Variants in SCUBE2 observed in about 807,000 individuals in gnomAD.
The protein encoded by SCUBE2 is signal peptide, CUB and EGF-like domain-containing protein 2.
A neutral mutation model predicts 125.9 loss-of-function variants in SCUBE2; 114 were observed. The observed-to-expected ratio is 0.91, with a 90% CI of 0.78 to 1.06. SCUBE2 has a LOEUF of 1.06. Ranked by LOEUF, SCUBE2 falls within the 50% of genes least tolerant of loss-of-function variation. The probability of loss-of-function intolerance (pLI) is 0.00; values close to 1 mark genes in which losing one functional copy is unlikely to be tolerated. For missense variants in SCUBE2, 1,255 were observed against 1,301.8 expected (o/e 0.96, Z 0.55); for synonymous variants, 459 against 492.9 (o/e 0.93, Z 0.91).
intron 14 of SCUBE2, 50 bp downstream of exon 14, chr11:9,050,556 C>T: frequency 6.9e-7 from 1 of 1,445,396 alleles, no homozygotes; most frequent in Non-Finnish European, 9.7e-7. Flanking sequence ...GGCTGCAGGC[C>T]CCTTCCCACA....
At chr11:9,055,428 C>A (rs1352751504) in intron 10 of SCUBE2, among the ~76,000 whole-genome samples, 4 of 152,208 alleles carry the variant, frequency 2.6e-5, no homozygotes, top group Admixed American at 2.6e-4. Context: ...CCCCCCAAGC[C>A]TCTCTGAGGA....
Position 9,066,766 on chromosome 11 carries a change from T to C in SCUBE2, c.691A>G (p.Thr231Ala), listed in dbSNP as rs1266627006. 2.5e-6 allele frequency: 4 copies of C among 1,614,154 alleles called. No individual in the cohort carries two copies. Among genetic ancestry groups the C allele is most frequent in the African/African-American group, 2.7e-5 (2 of 75,072 alleles). Residue 231 changes from threonine (T) to alanine (A), a missense_variant, in exon 6 of 23, where the codon ACA (threonine) becomes GCA (alanine). Thr to Ala is a moderately conservative substitution (Grantham distance 58). Around this residue, in one of 3 missense-constraint regions of SCUBE2, gnomAD observed 362 missense variants for 323.0 expected, o/e 1.12. Transcript: ENST00000649792. ...CAGCTGCACTCTGGGCCATCGGCTG[T>C]ATCGTCACAGGAGTGCTGGCACCCA... is the stretch of plus-strand genomic sequence containing the variant. ...NGGCQHSCDDTADGPECSCHP... is the reference protein window; with the variant it reads ...NGGCQHSCDDAADGPECSCHP...
At position 9,020,413 on chromosome 11, in the gene SCUBE2, A is replaced by G. The variant is rs1308565012; in HGVS notation, c.*632T>C. On this transcript the variant is annotated 3_prime_UTR_variant, in exon 23 of 23. Coordinates refer to ENST00000649792, the MANE Select transcript of SCUBE2 (RefSeq NM_001367977.2). ...ATGTCTCCAGAAGTGCTTAGTTTTT[A>G]TTTATTTCTAATTCTTTCTGCTTTT... 6.6e-6 allele frequency: 1 copy of G among 151,542 alleles called. No individual in the cohort carries two copies. The highest frequency in any genetic ancestry group is 1.9e-4 in the East Asian group (1 of 5,132). The allele number at this position is 151,542 out of a possible 1,614,324, so 9.4% of individuals were successfully genotyped here.
chr11:9,046,795 A>G (rs1857824205), intron 16 of SCUBE2, among the ~76,000 whole-genome samples: 1 of 152,154 alleles, frequency 6.6e-6, no homozygotes, highest in Non-Finnish European at 1.5e-5. Flanking sequence ...GTTACACTTG[A>G]TTTTGCACTT....
At chr11:9,040,860 A>G (rs997603390) in intron 16 of SCUBE2, among the ~76,000 whole-genome samples, 8 of 152,206 alleles carry the variant, frequency 5.3e-5, no homozygotes, top group Non-Finnish European at 1.0e-4. Flanking sequence ...TATTTCTGGA[A>G]TTTTCCATTT....
intron 16 of SCUBE2, among the ~76,000 whole-genome samples, chr11:9,039,896 G>T (rs1052687659): frequency 6.6e-6 from 1 of 152,186 alleles, no homozygotes; most frequent in South Asian, 2.1e-4. Flanking sequence ...CTATATGATC[G>T]TGTTTTTAAC....
chr11:9,056,480 C>A (rs1859092564), intron 9 of SCUBE2, among the ~76,000 whole-genome samples: 1 of 152,200 alleles, frequency 6.6e-6, no homozygotes, highest in Admixed American at 6.5e-5. Context: ...AATATCCTCA[C>A]TAATTTTCTC....
intron 7 of SCUBE2, among the ~76,000 whole-genome samples, chr11:9,064,094 G>A (rs1395149251): frequency 3.9e-5 from 6 of 152,066 alleles, no homozygotes; most frequent in East Asian, 1.9e-4. Context: ...TGTGTATTGC[G>A]GGGGGAAGCA....
chr11:9,066,119 G>A (rs1013260149), intron 6 of SCUBE2, 139 bp from the exon 7 acceptor site: 2 of 634,352 alleles, frequency 3.2e-6, no homozygotes, highest in African/African-American at 3.6e-5. Flanking sequence ...AAAATGTGTT[G>A]TAATGAGGCT....
intron 7 of SCUBE2, among the ~76,000 whole-genome samples, chr11:9,061,360 C>T (rs1859665791): frequency 6.6e-6 from 1 of 151,936 alleles, no homozygotes; most frequent in African/African-American, 2.4e-5. Flanking sequence ...GGTTCAAGAC[C>T]AGCCTGGGCC....
In SCUBE2 at chr11:9,066,732, T is replaced by A; in HGVS notation, c.725A>T (p.Gln242Leu). Residue 242 changes from glutamine to leucine, a missense_variant, in exon 6 of 23, where the codon CAG (glutamine) becomes CTG (leucine). By Grantham distance (113) the Gln-to-Leu change is moderately radical. Transcript: ENST00000649792. ...ADGPECSCHP[Q>L]YKMHTDGRSC... ...CCTCCCATCTGTGTGCATCTTGTAC[T>A]GTGGATGGCAGCTGCACTCTGGGCC... 6.2e-7 allele frequency: 1 copy of A among 1,614,180 alleles called. No homozygotes were observed. Among genetic ancestry groups the A allele is most frequent in the Non-Finnish European group, 8.5e-7 (1 of 1,180,008 alleles).
chr11:9,021,120 G>GGACT lies in SCUBE2; in HGVS notation c.3008_3011dup (p.Arg1005ValfsTer73), dbSNP rs1243222690. On this transcript the variant is annotated frameshift_variant, in exon 23 of 23. Coordinates refer to ENST00000649792, the MANE Select transcript of SCUBE2 (RefSeq NM_001367977.2). LOFTEE classifies it high-confidence loss of function. Reference sequence around the variant, plus strand: ...TGAACGATCTTGGAAACATCTCTCGGGACTCCTGGGCTGTGTACTTGAAAT... The same window carrying GGACT: ...TGAACGATCTTGGAAACATCTCTCGGGACTGACTCCTGGGCTGTGTACTTGAAAT... 2 of 1,613,646 alleles carry GGACT rather than the reference G, an allele frequency of 1.2e-6. No homozygotes were observed. The highest frequency in any genetic ancestry group is 2.7e-5 in the African/African-American group (2 of 74,888).
At chr11:9,077,217 C>A (rs963524098) in intron 3 of SCUBE2, among the ~76,000 whole-genome samples, 1 of 152,142 alleles carries the variant, frequency 6.6e-6, no homozygotes, top group African/African-American at 2.4e-5. Flanking sequence ...GGCCTGGATG[C>A]CACCTCCAGA....
In SCUBE2 at chr11:9,047,349, C is replaced by A; in HGVS notation, c.2002+7G>T. 6.2e-7 allele frequency: 1 copy of A among 1,614,012 alleles called. No homozygotes were observed. Among genetic ancestry groups the A allele is most frequent in the Non-Finnish European group, 8.5e-7 (1 of 1,179,898 alleles). ...TTCTGTTAGCAAGAATGTCCCAGGC[C>A]ACTCACCACATTGGTTTTCTGCATG... On this transcript the variant is annotated splice_region_variant and intron_variant, in intron 16 of 22. Coordinates refer to ENST00000649792, the MANE Select transcript of SCUBE2 (RefSeq NM_001367977.2).
Position 9,020,822 on chromosome 11 carries a change from C to G in SCUBE2, c.*223G>C, listed in dbSNP as rs1439561610. 3 of 441,656 alleles carry G rather than the reference C, an allele frequency of 6.8e-6. No individual in the cohort carries two copies. The highest frequency in any genetic ancestry group is 1.2e-5 in the Non-Finnish European group (3 of 249,056). 27.4% of individuals were successfully genotyped at this position (441,656 alleles called of 1,614,324 possible). A position where few individuals can be genotyped will look rare whatever the true frequency, so the allele number is the denominator to read the frequency against. On this transcript the variant is annotated 3_prime_UTR_variant, in exon 23 of 23. Coordinates refer to ENST00000649792, the MANE Select transcript of SCUBE2 (RefSeq NM_001367977.2). ...GACATCCGCCCACAGCAGTGAGAAG[C>G]TGATGCCACTCAAAGCCATTCTCAG...
intron 9 of SCUBE2, among the ~76,000 whole-genome samples, chr11:9,058,867 G>C (rs1174258885): frequency 1.3e-5 from 2 of 152,034 alleles, no homozygotes; most frequent in African/African-American, 4.8e-5. Flanking sequence ...CTTGATCATG[G>C]GTTAACTCCA....
chr11:9,064,072 G>GGTGT (rs370068434), intron 7 of SCUBE2, among the ~76,000 whole-genome samples: 13 of 151,274 alleles, frequency 8.6e-5, no homozygotes, highest in African/African-American at 3.1e-4. Context: ...GGAGAGGTCA[G>GGTGT]GTGTGTGTGT....
intron 8 of SCUBE2, 36 bp from the exon 9 acceptor site, chr11:9,059,461 A>G: frequency 6.3e-7 from 1 of 1,592,224 alleles, no homozygotes; most frequent in African/African-American, 1.3e-5. Flanking sequence ...TCAGAGAGCA[A>G]TACTTGCCTC....
chr11:9,047,975 A>G lies in SCUBE2; in HGVS notation c.1763T>C (p.Phe588Ser). The change falls in exon 15 of 23, where the codon TTT (phenylalanine) becomes TCT (serine). Residue 588 changes from phenylalanine (F) to serine (S), a missense_variant. Transcript: ENST00000649792. Reference protein sequence around the residue: ...TPKEMFITVEFELETNQKEVT... With the variant: ...TPKEMFITVESELETNQKEVT... ...CTCCTTTTGGTTAGTTTCAAGCTCA[A>G]ACTCAACAGTGATAAACATTTCCTT... 1.2e-6 allele frequency: 2 copies of G among 1,613,530 alleles called. No homozygotes were observed. Among genetic ancestry groups the G allele is most frequent in the East Asian group, 2.2e-5 (1 of 44,894 alleles).
Sources: gnomAD v4.1 joint callset for allele counts (sites outside exome capture counted in the v4.1 genomes callset) on GRCh38, gnomAD v4.1.1 for gene constraint, gnomAD v4.1.1 regional missense constraint, MANE v1.5 for transcripts, NCBI Gene and HGNC (gene_info 2026-07-23, HGNC 2026-07-21) for gene names.